Variants in XRCC4 observed in about 807,000 individuals in gnomAD.
XRCC4 encodes DNA repair protein XRCC4.
A neutral mutation model predicts 39.1 loss-of-function variants in XRCC4; 28 were observed. That is an observed-to-expected ratio of 0.72 (90% CI 0.53 to 0.98). The LOEUF is 0.98. XRCC4 is among the 50% of genes least tolerant of loss of function. XRCC4 has a pLI of 0.00. For synonymous variants in XRCC4, 123 were observed against 126.4 expected (o/e 0.97, Z 0.18); for missense variants, 350 against 376.4 (o/e 0.93, Z 0.58).
chr5:83,188,645 C>A (rs1299933143), intron 3 of XRCC4, among the ~76,000 whole-genome samples: 1 of 152,052 alleles, frequency 6.6e-6, no homozygotes, highest in Admixed American at 6.6e-5. Context: ...GGAGAACTGG[C>A]ATGTCACATG....
intron 7 of XRCC4, among the ~76,000 whole-genome samples, chr5:83,333,325 A>C (rs143730927): frequency 1.8e-3 from 273 of 152,304 alleles, no homozygotes; most frequent in African/African-American, 6.2e-3. Flanking sequence ...ATAATGAATA[A>C]AATACTTTCA....
intron 1 of XRCC4, among the ~76,000 whole-genome samples, chr5:83,086,153 TA>T (rs1306742129): frequency 6.6e-6 from 1 of 152,210 alleles, no homozygotes; most frequent in Non-Finnish European, 1.5e-5. Context: ...AACCAGTTCA[TA>T]ATATTGTATG....
intron 4 of XRCC4, among the ~76,000 whole-genome samples, chr5:83,202,541 T>C (rs1402741622): frequency 2.6e-5 from 4 of 152,136 alleles, no homozygotes; most frequent in Non-Finnish European, 5.9e-5. Flanking sequence ...ATTTGGACAT[T>C]TGTGTTTCTA....
chr5:83,256,021 C>A (rs1468747272), intron 6 of XRCC4, among the ~76,000 whole-genome samples: 1 of 152,136 alleles, frequency 6.6e-6, no homozygotes, highest in Non-Finnish European at 1.5e-5. Flanking sequence ...TCATGAAAAC[C>A]CATATGTAAT....
rs1320085295 is a variant in XRCC4, at chr5:83,226,648, C to G, written c.745+21727C>G. Among the ~76,000 whole-genome samples, 3 of 152,212 alleles carry G rather than the reference C, an allele frequency of 2.0e-5. No homozygotes were observed. The South Asian group carries it at 6.2e-4, about 32-fold the overall frequency. ...GAAGCTGGATGTTGGGGATTTCTTT[C>G]CCAGTTTTATGGTACACTGCCTGGG... On this transcript the variant is annotated intron_variant, in intron 6 of 7. Coordinates refer to ENST00000396027, the MANE Select transcript of XRCC4 (RefSeq NM_003401.5).
At chr5:83,143,662 G>T (rs1272638958) in intron 3 of XRCC4, among the ~76,000 whole-genome samples, 2 of 151,928 alleles carry the variant, frequency 1.3e-5, no homozygotes, top group Non-Finnish European at 2.9e-5. Context: ...TTTTAATTTT[G>T]CCTTCAATCT....
chr5:83,104,321 A>G (rs1306560661), intron 1 of XRCC4, among the ~76,000 whole-genome samples: 1 of 152,262 alleles, frequency 6.6e-6, no homozygotes, highest in East Asian at 1.9e-4. Flanking sequence ...TACTTGGTCA[A>G]TTTTATCCTT....
intron 3 of XRCC4, among the ~76,000 whole-genome samples, chr5:83,149,080 T>G (rs1167374656): frequency 6.6e-6 from 1 of 152,182 alleles, no homozygotes; most frequent in Non-Finnish European, 1.5e-5. Flanking sequence ...TTTGCTTTAA[T>G]TATCAAATAA....
intron 7 of XRCC4, among the ~76,000 whole-genome samples, chr5:83,288,044 A>C (rs1315208273): frequency 6.6e-6 from 1 of 151,796 alleles, no homozygotes; most frequent in Non-Finnish European, 1.5e-5. Context: ...ATATGTTCAG[A>C]AGTATATTAA....
intron 1 of XRCC4, among the ~76,000 whole-genome samples, chr5:83,088,371 C>T (rs1434797709): frequency 4.0e-5 from 6 of 151,738 alleles, no homozygotes; most frequent in South Asian, 2.1e-4. Flanking sequence ...TTTTTCTGAT[C>T]TGCTAGAGTT....
chr5:83,249,215 C>G (rs1297625456), intron 6 of XRCC4, among the ~76,000 whole-genome samples: 1 of 152,064 alleles, frequency 6.6e-6, no homozygotes, highest in Non-Finnish European at 1.5e-5. Context: ...CTAACAGACT[C>G]AAGTTTGGAA....
Position 83,240,457 on chromosome 5 carries a change from A to G in XRCC4, c.746-18073A>G, listed in dbSNP as rs1201413424. Among the ~76,000 whole-genome samples, 6 of 152,322 alleles carry G rather than the reference A, an allele frequency of 3.9e-5. No homozygotes were observed. In the East Asian group the frequency reaches 1.2e-3, roughly 29 times the overall value. On this transcript the variant is annotated intron_variant, in intron 6 of 7. Transcript: ENST00000396027. ...TAGAGAGAGGGGAGAGCTGAGAACTATGTGGAGATAGAATTGACAGAACTT... is the reference window on the plus strand; with the variant it reads ...TAGAGAGAGGGGAGAGCTGAGAACTGTGTGGAGATAGAATTGACAGAACTT...
intron 6 of XRCC4, among the ~76,000 whole-genome samples, chr5:83,231,836 C>T (rs953773693): frequency 1.3e-5 from 2 of 151,976 alleles, no homozygotes; most frequent in African/African-American, 4.8e-5. Flanking sequence ...CTGGTGTGCC[C>T]CTTACTCACT....
chr5:83,196,708 G>A (rs1750964744), intron 4 of XRCC4, among the ~76,000 whole-genome samples: 1 of 151,154 alleles, frequency 6.6e-6, no homozygotes, highest in Non-Finnish European at 1.5e-5. Flanking sequence ...AATGATGTCT[G>A]AAAAATTATG....
intron 1 of XRCC4, among the ~76,000 whole-genome samples, chr5:83,095,330 A>T (rs185756996): frequency 1.3e-3 from 192 of 152,230 alleles, no homozygotes; most frequent in Admixed American, 3.1e-3. Context: ...CCTTTATTTG[A>T]GTTCAGCAGT....
At chr5:83,362,741 A>G in the XRCC4 span, among the ~76,000 whole-genome samples, 2 of 152,208 alleles carry the variant, frequency 1.3e-5, no homozygotes, top group Non-Finnish European at 2.9e-5. Context: ...ATATTAAGTT[A>G]GGGGTTTTTG....
At chr5:83,165,318 C>CCTT (rs10658388) in intron 3 of XRCC4, among the ~76,000 whole-genome samples, 72,620 of 151,416 alleles carry the variant, frequency 0.48, 18,245 homozygotes, top group African/African-American at 0.62. Flanking sequence ...AATCAATAGA[C>CCTT]ATTGATTTAT....
intron 3 of XRCC4, among the ~76,000 whole-genome samples, chr5:83,188,774 T>C (rs2662241): frequency 0.46 from 69,575 of 151,868 alleles, 16,427 homozygotes; most frequent in South Asian, 0.52. Context: ...GAAGCTGTGA[T>C]TGCGAATAAC....
intron 7 of XRCC4, among the ~76,000 whole-genome samples, chr5:83,281,218 T>G (rs1754525912): frequency 6.6e-6 from 1 of 152,214 alleles, no homozygotes; most frequent in East Asian, 1.9e-4. Flanking sequence ...TTTCCATGCC[T>G]CCTTCACTGC....
Sources: gnomAD v4.1 joint callset for allele counts (sites outside exome capture counted in the v4.1 genomes callset) on GRCh38, gnomAD v4.1.1 for gene constraint, MANE v1.5 for transcripts, NCBI Gene and HGNC (gene_info 2026-07-23, HGNC 2026-07-21) for gene names.